The following GRM7 variants were observed in gnomAD, a reference collection of about 807,000 sequenced individuals.
The protein encoded by GRM7 is metabotropic glutamate receptor 7.
In GRM7, 35 loss-of-function variants were observed where a neutral mutation model predicts 84.5. The ratio of observed to expected loss-of-function variants is 0.41; its 90% CI spans 0.32 to 0.55. The LOEUF (loss-of-function observed/expected upper bound fraction) is 0.55, where lower values mean the gene tolerates loss of function less well. GRM7 is among the 20% of genes least tolerant of loss of function. GRM7 has a pLI of 0.19. For missense variants in GRM7, 1,003 were observed against 1,194.6 expected (o/e 0.84, Z 2.36); for synonymous variants, 487 against 455.1 (o/e 1.07, Z -0.89).
intron 2 of GRM7, among the ~76,000 whole-genome samples, chr3:7,167,457 G>C (rs17824968): frequency 0.26 from 39,987 of 152,096 alleles, 5,795 homozygotes; most frequent in Non-Finnish European, 0.33. Flanking sequence ...CCAAATAAGA[G>C]ATTAATTCTT....
At chr3:6,927,839 T>C (rs62235403) in intron 1 of GRM7, among the ~76,000 whole-genome samples, 11,173 of 152,268 alleles carry the variant, frequency 0.073, 569 homozygotes, top group Non-Finnish European at 0.11. Flanking sequence ...TGGGGTCACT[T>C]ATTTAAATAA....
chr3:7,703,003 T>G (rs1044982737), intron 9 of GRM7, among the ~76,000 whole-genome samples: 1 of 152,116 alleles, frequency 6.6e-6, no homozygotes, highest in Non-Finnish European at 1.5e-5. Flanking sequence ...TACTGACTGC[T>G]CATCTGAATC....
intron 8 of GRM7, among the ~76,000 whole-genome samples, chr3:7,644,176 ATAT>A (rs1698505600): frequency 7.4e-5 from 2 of 27,144 alleles, no homozygotes; most frequent in Non-Finnish European, 1.2e-4. Context: ...ATGTCTGTAC[ATAT>A]ATATATGTCT....
intron 8 of GRM7, among the ~76,000 whole-genome samples, chr3:7,671,723 T>C (rs1699926349): frequency 6.6e-6 from 1 of 151,892 alleles, no homozygotes; most frequent in African/African-American, 2.4e-5. Flanking sequence ...CTAAGTAGAA[T>C]AGCATAAAAA....
At chr3:7,040,139 C>G (rs760899096) in intron 1 of GRM7, among the ~76,000 whole-genome samples, 1 of 152,150 alleles carries the variant, frequency 6.6e-6, no homozygotes. Flanking sequence ...CACATTTACT[C>G]GAAGTTCAAA....
intron 8 of GRM7, among the ~76,000 whole-genome samples, chr3:7,613,169 G>A (rs886168663): frequency 6.6e-6 from 1 of 151,922 alleles, no homozygotes; most frequent in Admixed American, 6.6e-5. Context: ...TAGTCTCAAT[G>A]GACATGAATT....
chr3:7,477,818 A>T (rs1042139695), intron 7 of GRM7, among the ~76,000 whole-genome samples: 1 of 152,152 alleles, frequency 6.6e-6, no homozygotes, highest in African/African-American at 2.4e-5. Flanking sequence ...GTTAAAAAGT[A>T]AAATCACACA....
chr3:7,193,316 T>C (rs1695776244), intron 2 of GRM7, among the ~76,000 whole-genome samples: 1 of 152,276 alleles, frequency 6.6e-6, no homozygotes, highest in South Asian at 2.1e-4. Context: ...GGTAGAGACA[T>C]CCATATAGTT....
intron 1 of GRM7, among the ~76,000 whole-genome samples, chr3:7,052,417 A>T (rs919083851): frequency 2.0e-5 from 3 of 151,700 alleles, no homozygotes; most frequent in African/African-American, 7.2e-5. Context: ...TAATTTACAT[A>T]TAAAATTTAT....
At chr3:7,641,087 C>T (rs910153900) in intron 8 of GRM7, among the ~76,000 whole-genome samples, 1 of 152,092 alleles carries the variant, frequency 6.6e-6, no homozygotes, top group Non-Finnish European at 1.5e-5. Context: ...TAATCATTAA[C>T]CAATTTAGTT....
intron 1 of GRM7, among the ~76,000 whole-genome samples, chr3:7,034,395 G>A (rs1696300655): frequency 6.6e-6 from 1 of 152,034 alleles, no homozygotes; most frequent in Non-Finnish European, 1.5e-5. Flanking sequence ...CTGGGCTACA[G>A]ATGAATTATC....
intron 1 of GRM7, among the ~76,000 whole-genome samples, chr3:6,895,220 T>C (rs1025917327): frequency 6.6e-6 from 1 of 152,162 alleles, no homozygotes; most frequent in East Asian, 1.9e-4. Flanking sequence ...ATACCTTATA[T>C]ACTTGATACA....
At chr3:7,611,394 T>A (rs1029839377) in intron 8 of GRM7, among the ~76,000 whole-genome samples, 1 of 152,180 alleles carries the variant, frequency 6.6e-6, no homozygotes, top group South Asian at 2.1e-4. Flanking sequence ...AGACTCCTTA[T>A]GAAACAAGAA....
intron 5 of GRM7, among the ~76,000 whole-genome samples, chr3:7,432,737 T>C (rs1355351004): frequency 5.3e-5 from 8 of 151,914 alleles, no homozygotes; most frequent in African/African-American, 1.7e-4. Context: ...ACGAAGGCTA[T>C]CAAAAATGAT....
At chr3:7,075,259 G>A (rs1359154104) in intron 1 of GRM7, among the ~76,000 whole-genome samples, 1 of 152,276 alleles carries the variant, frequency 6.6e-6, no homozygotes, top group Non-Finnish European at 1.5e-5. Context: ...AGACCTTGGT[G>A]CTGAACACCC....
chr3:7,601,585 T>G (rs1253247472), intron 8 of GRM7, among the ~76,000 whole-genome samples: 1 of 152,106 alleles, frequency 6.6e-6, no homozygotes, highest in Non-Finnish European at 1.5e-5. Flanking sequence ...TGTATCTATT[T>G]AAAATGTTTT....
intron 5 of GRM7, among the ~76,000 whole-genome samples, chr3:7,425,943 T>G (rs954739767): frequency 5.3e-5 from 8 of 152,118 alleles, no homozygotes; most frequent in African/African-American, 1.9e-4. Flanking sequence ...CGAGTATATA[T>G]CAATAGATTC....
chr3:7,599,915 C>A (rs1194833981), intron 8 of GRM7, among the ~76,000 whole-genome samples: 3 of 152,076 alleles, frequency 2.0e-5, no homozygotes, highest in Non-Finnish European at 4.4e-5. Flanking sequence ...TTGAAAGATG[C>A]TCTTTTTTGA....
At chr3:7,540,622 A>C (rs1692821068) in intron 7 of GRM7, among the ~76,000 whole-genome samples, 1 of 152,192 alleles carries the variant, frequency 6.6e-6, no homozygotes, top group South Asian at 2.1e-4. Flanking sequence ...TGCAGTGATG[A>C]AATGTTCTAA....
Sources: allele counts gnomAD v4.1 joint callset (sites outside exome capture counted in the v4.1 genomes callset), GRCh38; gene constraint gnomAD v4.1.1; transcripts MANE v1.5; gene names NCBI Gene and HGNC (gene_info 2026-07-23, HGNC 2026-07-21).